PDS5A: variants seen among roughly 807,000 people sequenced by gnomAD.
The protein encoded by PDS5A is PDS5 cohesin associated factor A.
PDS5A carries 42 observed loss-of-function variants against 167.1 expected under a neutral mutation model. The ratio of observed to expected loss-of-function variants is 0.25; its 90% CI spans 0.20 to 0.33. The LOEUF (loss-of-function observed/expected upper bound fraction) is 0.33. Ranked by LOEUF, PDS5A falls within the 10% of genes least tolerant of loss-of-function variation. The pLI is 1.00. For missense variants in PDS5A, 1,033 were observed against 1,605.9 expected (o/e 0.64, Z 6.10); for synonymous variants, 553 against 554.6 (o/e 1.00, Z 0.04).
intron 26 of PDS5A, among the ~76,000 whole-genome samples, chr4:39,856,539 G>C (rs1164990966): frequency 6.6e-6 from 1 of 152,182 alleles, no homozygotes; most frequent in Non-Finnish European, 1.5e-5. Flanking sequence ...AATGCGGCTG[G>C]GTGCAGTGGC....
At chr4:39,949,321 A>C (rs997644971) in intron 2 of PDS5A, among the ~76,000 whole-genome samples, 1 of 151,066 alleles carries the variant, frequency 6.6e-6, no homozygotes, top group South Asian at 2.1e-4. Flanking sequence ...AAAAAAAAAA[A>C]GAACTGATGG....
chr4:39,877,674 G>A (rs1355427584), intron 18 of PDS5A, among the ~76,000 whole-genome samples: 1 of 151,700 alleles, frequency 6.6e-6, no homozygotes, highest in East Asian at 1.9e-4. Flanking sequence ...CTGTCACCTA[G>A]GCTAGAGTAC....
In PDS5A at chr4:39,874,400, G is replaced by A; in HGVS notation, c.2166C>T (p.Pro722=). ...DLPQIRSTLI[P]ILHQKAKRGT... is the part of the protein sequence containing the mutation. ...CCCTCTTTGCTTTTTGATGTAAAAT[G>A]GGAATTAAGGTCCTGCAAAAAATAA... is the stretch of plus-strand genomic sequence containing the variant. The change falls in exon 20 of 33, where the codon CCC becomes CCT. Residue 722 remains proline (P), a synonymous_variant. Coordinates refer to ENST00000303538, the MANE Select transcript of PDS5A (RefSeq NM_001100399.2). 6.2e-7 allele frequency: 1 copy of A among 1,612,476 alleles called. No individual in the cohort carries two copies. Among genetic ancestry groups the A allele is most frequent in the Non-Finnish European group, 8.5e-7 (1 of 1,178,724 alleles).
intron 32 of PDS5A, among the ~76,000 whole-genome samples, chr4:39,828,638 T>C (rs985557363): frequency 1.6e-4 from 25 of 151,950 alleles, no homozygotes; most frequent in Non-Finnish European, 3.2e-4. Flanking sequence ...TCAAAAATGG[T>C]TTTCACTAAT....
At chr4:39,834,200 A>AG (rs1279296033) in intron 32 of PDS5A, among the ~76,000 whole-genome samples, 3 of 150,384 alleles carry the variant, frequency 2.0e-5, no homozygotes, top group Admixed American at 1.3e-4. Flanking sequence ...AAAAAAAAAA[A>AG]GGGTACTAAG....
intron 32 of PDS5A, among the ~76,000 whole-genome samples, chr4:39,832,158 G>A (rs866272753): frequency 6.6e-6 from 1 of 151,676 alleles, no homozygotes; most frequent in African/African-American, 2.4e-5. Context: ...AAGAATATAA[G>A]GGGTCTTCAA....
At chr4:39,899,550 T>C (rs1397285343) in intron 14 of PDS5A, among the ~76,000 whole-genome samples, 2 of 152,118 alleles carry the variant, frequency 1.3e-5, no homozygotes, top group Admixed American at 1.3e-4. Flanking sequence ...GTTGATTTAT[T>C]TTCAAAGTTT....
chr4:39,920,606 C>A (rs1177232726), intron 6 of PDS5A, among the ~76,000 whole-genome samples: 1 of 152,132 alleles, frequency 6.6e-6, no homozygotes, highest in Non-Finnish European at 1.5e-5. Flanking sequence ...CGTTGCAAAT[C>A]GAACTAATTT....
intron 12 of PDS5A, among the ~76,000 whole-genome samples, 163 bp downstream of exon 12, chr4:39,903,877 C>T (rs10010454): frequency 0.69 from 104,476 of 151,920 alleles, 37,856 homozygotes; most frequent in Middle Eastern, 0.85. Context: ...ATGTAAAAAG[C>T]TATCTCTAAA....
intron 2 of PDS5A, among the ~76,000 whole-genome samples, chr4:39,929,975 G>A (rs1377200708): frequency 1.3e-5 from 2 of 150,696 alleles, no homozygotes; most frequent in Non-Finnish European, 3.0e-5. Context: ...CAGCACTTTG[G>A]GAGGCCGAGG....
intron 9 of PDS5A, 32 bp downstream of exon 9, chr4:39,913,579 A>C (rs746611525): frequency 8.2e-7 from 1 of 1,217,326 alleles, no homozygotes; most frequent in Non-Finnish European, 1.2e-6. Flanking sequence ...TATTTTCTAA[A>C]ATATAAACAT....
chr4:39,957,022 T>C (rs1560516891), intron 2 of PDS5A, among the ~76,000 whole-genome samples: 2 of 152,190 alleles, frequency 1.3e-5, no homozygotes, highest in African/African-American at 4.8e-5. Flanking sequence ...ATTCTCTTTA[T>C]CTACACTGAC....
intron 9 of PDS5A, among the ~76,000 whole-genome samples, chr4:39,912,241 C>A (rs1723959060): frequency 6.6e-6 from 1 of 152,164 alleles, no homozygotes; most frequent in Admixed American, 6.5e-5. Context: ...AGAGACACCA[C>A]TACAGTTAGC....
rs550885114 is a variant in PDS5A, at chr4:39,959,319, T to C, written c.138+17121A>G. 1.3e-3 allele frequency among the ~76,000 whole-genome samples: 201 copies of C among 152,326 alleles called. 1 individual carries two copies. The highest frequency in any genetic ancestry group is 4.5e-3 in the African/African-American group (185 of 41,568). Reference sequence around the variant, plus strand: ...TCTCTTTTTAAATTTTTTTATTTTATACCCTAGTTGCAAGCTAAAAATGTT... The same window carrying C: ...TCTCTTTTTAAATTTTTTTATTTTACACCCTAGTTGCAAGCTAAAAATGTT... On this transcript the variant is annotated intron_variant, in intron 2 of 32. Coordinates refer to ENST00000303538, the MANE Select transcript of PDS5A (RefSeq NM_001100399.2).
intron 26 of PDS5A, among the ~76,000 whole-genome samples, chr4:39,853,821 AT>A (rs1295808096): frequency 6.6e-6 from 1 of 152,210 alleles, no homozygotes; most frequent in African/African-American, 2.4e-5. Context: ...TCTTTTGGCA[AT>A]TTGGCTTTCA....
intron 11 of PDS5A, among the ~76,000 whole-genome samples, chr4:39,907,895 T>C (rs1723537789): frequency 6.6e-6 from 1 of 152,172 alleles, no homozygotes; most frequent in Admixed American, 6.5e-5. Context: ...AATCCATTTT[T>C]TCAACTGCAT....
intron 2 of PDS5A, among the ~76,000 whole-genome samples, chr4:39,943,829 C>A (rs1285497763): frequency 6.6e-6 from 1 of 150,784 alleles, no homozygotes; most frequent in African/African-American, 2.4e-5. Context: ...ACAACAACAA[C>A]AAAAAGATCC....
At chr4:39,941,206 A>ATTT (rs79952236) in intron 2 of PDS5A, among the ~76,000 whole-genome samples, 17,681 of 152,198 alleles carry the variant, frequency 0.12, 1,079 homozygotes, top group East Asian at 0.22. Flanking sequence ...TAGATTTAAA[A>ATTT]ATTTGTGTAG....
At chr4:39,933,401 A>C (rs1033211087) in intron 2 of PDS5A, 2 of 152,124 alleles carry the variant, frequency 1.3e-5, no homozygotes, top group Non-Finnish European at 2.9e-5. Flanking sequence ...ATGCCAATGC[A>C]CTCCAGCCTG....
Sources: allele counts gnomAD v4.1 joint callset (sites outside exome capture counted in the v4.1 genomes callset), GRCh38; gene constraint gnomAD v4.1.1; transcripts MANE v1.5; gene names NCBI Gene and HGNC (gene_info 2026-07-23, HGNC 2026-07-21).